GPC3: variants seen among roughly 807,000 people sequenced by gnomAD.
GPC3 encodes the protein glypican 3.
Under a neutral mutation model 34.4 loss-of-function variants are expected in GPC3, and 3 were observed. The ratio of observed to expected loss-of-function variants is 0.09; its 90% CI spans 0.04 to 0.23. The LOEUF is 0.23. Ranked by LOEUF, GPC3 falls within the 10% of genes least tolerant of loss-of-function variation. GPC3 has a pLI of 1.00. For synonymous variants in GPC3, 177 were observed against 174.0 expected (o/e 1.02, Z -0.13); for missense variants, 351 against 445.6 (o/e 0.79, Z 1.91).
At chrX:133,814,786 T>G (rs2124530356) in intron 2 of GPC3, among the ~76,000 whole-genome samples, 1 of 110,997 alleles carries the variant, frequency 9.0e-6, no homozygotes, top group South Asian at 3.9e-4. Context: ...CAGGCTGGTC[T>G]TGAACTCCTG....
At chrX:133,955,369 CTCTT>C (rs1270182608) in intron 1 of GPC3, among the ~76,000 whole-genome samples, 1 of 111,310 alleles carries the variant, frequency 9.0e-6, no homozygotes, top group East Asian at 2.8e-4. Context: ...CCTTTCCTCT[CTCTT>C]CCACAAGGGT....
intron 2 of GPC3, among the ~76,000 whole-genome samples, chrX:133,938,318 C>G (rs986080305): frequency 2.7e-5 from 3 of 111,776 alleles, no homozygotes; most frequent in African/African-American, 9.7e-5. Flanking sequence ...CCCCAGGTAA[C>G]AAGATTCAAA....
intron 6 of GPC3, among the ~76,000 whole-genome samples, chrX:133,655,499 CA>C (rs1287252512): frequency 3.7e-5 from 4 of 108,010 alleles, no homozygotes; most frequent in African/African-American, 1.0e-4. Flanking sequence ...CACACACACA[CA>C]CACACCCACA....
intron 6 of GPC3, among the ~76,000 whole-genome samples, chrX:133,620,532 A>G (rs2070221333): frequency 9.0e-6 from 1 of 111,264 alleles, no homozygotes; most frequent in African/African-American, 3.3e-5. Context: ...CCCCTCAACC[A>G]TCTGAATGGA....
chrX:133,617,556 G>T (rs1331390525), intron 6 of GPC3, among the ~76,000 whole-genome samples: 2 of 112,069 alleles, frequency 1.8e-5, no homozygotes, highest in Non-Finnish European at 3.8e-5. Flanking sequence ...TGCCAAGCAT[G>T]TACTAAATGC....
At chrX:133,686,202 T>C (rs2071001062) in intron 5 of GPC3, among the ~76,000 whole-genome samples, 1 of 111,307 alleles carries the variant, frequency 9.0e-6, no homozygotes, top group African/African-American at 3.3e-5. Flanking sequence ...GGAGAATCAT[T>C]GCAAAGGATT....
chrX:133,957,950 A>G (rs2076423621), intron 1 of GPC3, among the ~76,000 whole-genome samples: 1 of 111,579 alleles, frequency 9.0e-6, no homozygotes, highest in Non-Finnish European at 1.9e-5. Context: ...GACTATTCAA[A>G]TGAGCCAGAA....
chrX:133,780,933 G>A (rs929425940), intron 2 of GPC3, among the ~76,000 whole-genome samples: 1 of 111,653 alleles, frequency 9.0e-6, no homozygotes, highest in Non-Finnish European at 1.9e-5. Flanking sequence ...CTTTCTCCAT[G>A]ATGGCTTATT....
At chrX:133,906,955 G>T (rs961607000) in intron 2 of GPC3, among the ~76,000 whole-genome samples, 1 of 110,337 alleles carries the variant, frequency 9.1e-6, no homozygotes, top group Non-Finnish European at 1.9e-5. Flanking sequence ...AAAAAAATTA[G>T]CTGGGCGTGG....
intron 3 of GPC3, among the ~76,000 whole-genome samples, chrX:133,735,561 T>C (rs2071502842): frequency 8.9e-6 from 1 of 111,927 alleles, no homozygotes; most frequent in South Asian, 3.7e-4. Context: ...AGTGATTTCT[T>C]AGATATGACA....
intron 2 of GPC3, among the ~76,000 whole-genome samples, chrX:133,780,019 T>C (rs2072029197): frequency 8.9e-6 from 1 of 111,753 alleles, no homozygotes; most frequent in Non-Finnish European, 1.9e-5. Context: ...GCCATATGGA[T>C]GGATGAAATG....
chrX:133,899,461 A>G (rs1645454781), intron 2 of GPC3, among the ~76,000 whole-genome samples: 1 of 111,690 alleles, frequency 9.0e-6, no homozygotes, highest in African/African-American at 3.3e-5. Context: ...ATTCACAGCT[A>G]TTACCAACCA....
At chrX:133,774,340 A>G (rs1569429906) in intron 2 of GPC3, among the ~76,000 whole-genome samples, 1 of 112,106 alleles carries the variant, frequency 8.9e-6, no homozygotes, top group South Asian at 3.8e-4. Context: ...AAAGACTGCT[A>G]GAATAAAGCT....
intron 6 of GPC3, among the ~76,000 whole-genome samples, chrX:133,648,528 C>T (rs996782637): frequency 2.3e-4 from 26 of 111,859 alleles, no homozygotes; most frequent in African/African-American, 7.8e-4. Context: ...ACATCCTTCA[C>T]GCTGCTGGCA....
intron 7 of GPC3, among the ~76,000 whole-genome samples, chrX:133,573,252 C>T (rs1452549545): frequency 2.7e-5 from 3 of 111,996 alleles, no homozygotes; most frequent in African/African-American, 6.5e-5. Flanking sequence ...GAAGGAAACT[C>T]CCTCAGCCCA....
intron 2 of GPC3, among the ~76,000 whole-genome samples, chrX:133,894,095 G>A (rs1404323395): frequency 9.0e-6 from 1 of 111,467 alleles, no homozygotes; most frequent in African/African-American, 3.3e-5. Context: ...TGCCCACCTC[G>A]GCCTACCAAA....
chrX:133,927,058 C>T (rs1330157990), intron 2 of GPC3, among the ~76,000 whole-genome samples: 1 of 111,019 alleles, frequency 9.0e-6, no homozygotes, highest in Admixed American at 9.6e-5. Flanking sequence ...GCAATTCTGG[C>T]CTGTTGTCCC....
intron 3 of GPC3, among the ~76,000 whole-genome samples, chrX:133,739,117 T>C (rs760371010): frequency 6.2e-4 from 69 of 111,153 alleles, no homozygotes; most frequent in Non-Finnish European, 1.1e-3. Flanking sequence ...ACAGTATATA[T>C]AGGGTTTGGA....
chrX:133,700,388 A>G (rs1431010941), intron 3 of GPC3, among the ~76,000 whole-genome samples: 3 of 111,951 alleles, frequency 2.7e-5, no homozygotes, highest in Non-Finnish European at 5.6e-5. Flanking sequence ...ACAAAAGGGA[A>G]TTGCAAAATT....
Sources: allele counts gnomAD v4.1 joint callset (sites outside exome capture counted in the v4.1 genomes callset), GRCh38; gene constraint gnomAD v4.1.1; transcripts MANE v1.5; gene names NCBI Gene and HGNC (gene_info 2026-07-23, HGNC 2026-07-21).